The following ENPP6 variants were observed in gnomAD, a reference collection of about 807,000 sequenced individuals.
ENPP6 encodes the protein ectonucleotide pyrophosphatase/phosphodiesterase 6, also known as glycerophosphocholine cholinephosphodiesterase ENPP6.
Under a neutral mutation model 42.0 loss-of-function variants are expected in ENPP6, and 32 were observed. That is an observed-to-expected ratio of 0.76 (90% CI 0.58 to 1.02). ENPP6 has a LOEUF of 1.02. Ranked by LOEUF, ENPP6 falls within the 50% of genes least tolerant of loss-of-function variation. The probability of loss-of-function intolerance (pLI) is 0.00; values close to 1 mark genes in which losing one functional copy is unlikely to be tolerated. For synonymous variants in ENPP6, 213 were observed against 216.0 expected (o/e 0.99, Z 0.12); for missense variants, 552 against 566.8 (o/e 0.97, Z 0.27).
intron 2 of ENPP6, among the ~76,000 whole-genome samples, chr4:184,141,271 T>C (rs1736815711): frequency 6.6e-6 from 1 of 152,064 alleles, no homozygotes; most frequent in Non-Finnish European, 1.5e-5. Flanking sequence ...GCTCAATCTG[T>C]GAAGTGGGCG....
intron 1 of ENPP6, among the ~76,000 whole-genome samples, chr4:184,197,222 G>A (rs922205111): frequency 1.3e-5 from 2 of 152,110 alleles, no homozygotes; most frequent in Admixed American, 1.3e-4. Context: ...AATCTTCTAC[G>A]TGGCTCCACC....
chr4:184,091,450 AAAG>A (rs762917776), intron 7 of ENPP6, 68 bp from the exon 8 acceptor site: 60 of 1,419,528 alleles, frequency 4.2e-5, no homozygotes, highest in Non-Finnish European at 5.1e-5. Context: ...TGAACGCAAT[AAAG>A]AAGAATTACA....
intron 1 of ENPP6, among the ~76,000 whole-genome samples, chr4:184,203,518 C>T (rs1233874657): frequency 3.9e-5 from 6 of 152,240 alleles, no homozygotes; most frequent in South Asian, 2.1e-4. Context: ...GGCCCTAATT[C>T]AATATGGCTG....
At chr4:184,108,250 C>T (rs752477294) in intron 6 of ENPP6, among the ~76,000 whole-genome samples, 4 of 152,288 alleles carry the variant, frequency 2.6e-5, no homozygotes, top group South Asian at 2.1e-4. Context: ...ATCTGCCAGC[C>T]GAACTCAGAC....
At chr4:184,173,951 C>T (rs921493353) in intron 1 of ENPP6, among the ~76,000 whole-genome samples, 2 of 152,024 alleles carry the variant, frequency 1.3e-5, no homozygotes, top group African/African-American at 4.8e-5. Context: ...TGGTGGGTCA[C>T]ATCTGGGAAC....
intron 1 of ENPP6, among the ~76,000 whole-genome samples, chr4:184,193,910 C>G (rs1390770676): frequency 1.3e-5 from 2 of 152,154 alleles, no homozygotes; most frequent in Non-Finnish European, 2.9e-5. Context: ...TTTAATTGTT[C>G]AGTTTGATGC....
chr4:184,157,955 C>T (rs960182709), intron 1 of ENPP6, among the ~76,000 whole-genome samples: 2 of 152,032 alleles, frequency 1.3e-5, no homozygotes, highest in African/African-American at 2.4e-5. Context: ...TATAAGGTTG[C>T]TACTACTTAG....
At chr4:184,194,727 C>A (rs1051849083) in intron 1 of ENPP6, among the ~76,000 whole-genome samples, 4 of 152,144 alleles carry the variant, frequency 2.6e-5, no homozygotes, top group Non-Finnish European at 5.9e-5. Flanking sequence ...GTGGCAGAAC[C>A]CACACGGGAG....
At chr4:184,191,476 C>T (rs1732712026) in intron 1 of ENPP6, among the ~76,000 whole-genome samples, 1 of 152,158 alleles carries the variant, frequency 6.6e-6, no homozygotes, top group South Asian at 2.1e-4. Flanking sequence ...GATAGGCCAT[C>T]CATTGTCTTC....
intron 1 of ENPP6, among the ~76,000 whole-genome samples, chr4:184,178,286 T>A (rs1012342486): frequency 1.3e-5 from 2 of 151,918 alleles, no homozygotes; most frequent in African/African-American, 4.8e-5. Context: ...TTGAAGACTA[T>A]CTTGCTGAAA....
chr4:184,185,409 T>G (rs1376946062), intron 1 of ENPP6, among the ~76,000 whole-genome samples: 1 of 152,060 alleles, frequency 6.6e-6, no homozygotes, highest in Non-Finnish European at 1.5e-5. Context: ...CCTGTGAACC[T>G]CAAAACACAA....
chr4:184,118,132 G>T (rs549326804), intron 3 of ENPP6, among the ~76,000 whole-genome samples: 4 of 152,202 alleles, frequency 2.6e-5, no homozygotes, highest in African/African-American at 9.7e-5. Flanking sequence ...CATAGAATTC[G>T]CAGTCTTTGA....
At position 184,133,949 on chromosome 4, in the gene ENPP6, C is replaced by T. The variant is rs200932168; in HGVS notation, c.422-9677G>A. ...TTTTCAATGTTAAACCTGGGTTTTCCTTTTATAAACCCAATTGGTTGGCAT... is the reference window on the plus strand; with the variant it reads ...TTTTCAATGTTAAACCTGGGTTTTCTTTTTATAAACCCAATTGGTTGGCAT... On this transcript the variant is annotated intron_variant, in intron 2 of 7. Coordinates refer to ENST00000296741, the MANE Select transcript of ENPP6 (RefSeq NM_153343.4). 2.7e-5 allele frequency among the ~76,000 whole-genome samples: 4 copies of T among 150,240 alleles called. No homozygotes were observed. In the East Asian group the frequency reaches 7.8e-4, roughly 29 times the overall value.
chr4:184,119,996 G>A (rs534536749), intron 3 of ENPP6, among the ~76,000 whole-genome samples: 3 of 152,260 alleles, frequency 2.0e-5, no homozygotes, highest in East Asian at 1.9e-4. Flanking sequence ...GCAAGAGAAC[G>A]AACTGATACA....
At chr4:184,203,656 G>A (rs1732941048) in intron 1 of ENPP6, among the ~76,000 whole-genome samples, 1 of 152,204 alleles carries the variant, frequency 6.6e-6, no homozygotes, top group Admixed American at 6.5e-5. Context: ...CAGAAGGCAG[G>A]GGAAAGCGCA....
At chr4:184,203,578 G>A (rs1732940181) in intron 1 of ENPP6, among the ~76,000 whole-genome samples, 1 of 152,194 alleles carries the variant, frequency 6.6e-6, no homozygotes, top group Non-Finnish European at 1.5e-5. Flanking sequence ...AATGCCCCGT[G>A]ACAATGGAAG....
At chr4:184,201,205 C>G (rs950801211) in intron 1 of ENPP6, among the ~76,000 whole-genome samples, 4 of 152,158 alleles carry the variant, frequency 2.6e-5, no homozygotes, top group Non-Finnish European at 5.9e-5. Flanking sequence ...CTCTGAAACT[C>G]GAGCAGGTGT....
At chr4:184,166,621 A>T (rs1189348617) in intron 1 of ENPP6, among the ~76,000 whole-genome samples, 1 of 152,238 alleles carries the variant, frequency 6.6e-6, no homozygotes, top group Non-Finnish European at 1.5e-5. Flanking sequence ...AAGTTGGAAA[A>T]GAGCAATAAT....
At chr4:184,212,450 C>A (rs1733127534) in intron 1 of ENPP6, among the ~76,000 whole-genome samples, 2 of 150,000 alleles carry the variant, frequency 1.3e-5, no homozygotes, top group Admixed American at 6.6e-5. Flanking sequence ...CAACAACAGA[C>A]AAACAGAGAG....
Sources: gnomAD v4.1 joint callset for allele counts (sites outside exome capture counted in the v4.1 genomes callset) on GRCh38, gnomAD v4.1.1 for gene constraint, MANE v1.5 for transcripts, NCBI Gene and HGNC (gene_info 2026-07-23, HGNC 2026-07-21) for gene names.